KCNIP4: variants seen among roughly 807,000 people sequenced by gnomAD.
The protein encoded by KCNIP4 is Kv channel-interacting protein 4.
In KCNIP4, 12 loss-of-function variants were observed where a neutral mutation model predicts 34.0. The ratio of observed to expected loss-of-function variants is 0.35; its 90% CI spans 0.23 to 0.57. KCNIP4 has a LOEUF of 0.57. Ranked by LOEUF, KCNIP4 falls within the 20% of genes least tolerant of loss-of-function variation. KCNIP4 has a pLI of 0.83. For missense variants in KCNIP4, 238 were observed against 311.7 expected (o/e 0.76, Z 1.78); for synonymous variants, 124 against 102.2 (o/e 1.21, Z -1.29).
chr4:21,339,222 T>G (rs1716486323), intron 1 of KCNIP4, among the ~76,000 whole-genome samples: 1 of 152,222 alleles, frequency 6.6e-6, no homozygotes, highest in Non-Finnish European at 1.5e-5. Context: ...GTTATCCAAT[T>G]GCAGAAATGC....
At chr4:21,338,522 G>A (rs1716413976) in intron 1 of KCNIP4, among the ~76,000 whole-genome samples, 1 of 151,516 alleles carries the variant, frequency 6.6e-6, no homozygotes, top group African/African-American at 2.4e-5. Flanking sequence ...CAGGAGAATG[G>A]CTTGAACTTG....
chr4:21,930,156 A>C (rs1216802604), intron 1 of KCNIP4, among the ~76,000 whole-genome samples: 2 of 152,250 alleles, frequency 1.3e-5, no homozygotes, highest in East Asian at 1.9e-4. Flanking sequence ...CTCAATATGT[A>C]CTAAAGCAGC....
intron 1 of KCNIP4, among the ~76,000 whole-genome samples, chr4:21,528,308 A>G (rs1736151677): frequency 1.3e-5 from 2 of 152,090 alleles, no homozygotes; most frequent in Non-Finnish European, 2.9e-5. Context: ...GAATGATTGT[A>G]CAATGCTTGA....
chr4:21,492,492 G>C (rs943801631), intron 1 of KCNIP4, among the ~76,000 whole-genome samples: 4 of 152,116 alleles, frequency 2.6e-5, no homozygotes, highest in African/African-American at 9.7e-5. Context: ...CCAAAGTGCT[G>C]GGATTACAGG....
intron 1 of KCNIP4, among the ~76,000 whole-genome samples, chr4:21,477,619 T>A (rs1033555905): frequency 3.9e-5 from 6 of 152,252 alleles, no homozygotes; most frequent in Non-Finnish European, 7.4e-5. Flanking sequence ...CTCTCCAAAC[T>A]TTTTCATTTA....
At chr4:20,868,106 G>T (rs1208615225) in intron 2 of KCNIP4, among the ~76,000 whole-genome samples, 2 of 151,656 alleles carry the variant, frequency 1.3e-5, no homozygotes, top group African/African-American at 2.4e-5. Flanking sequence ...TCCAACAAAG[G>T]CCTAATACCA....
intron 1 of KCNIP4, among the ~76,000 whole-genome samples, chr4:21,885,868 C>T (rs1726734424): frequency 1.3e-5 from 2 of 152,040 alleles, no homozygotes; most frequent in African/African-American, 2.4e-5. Context: ...CTGATTGCCA[C>T]GAAGATGAGA....
At chr4:21,450,875 T>C (rs184629914) in intron 1 of KCNIP4, among the ~76,000 whole-genome samples, 9 of 152,290 alleles carry the variant, frequency 5.9e-5, no homozygotes, top group African/African-American at 1.2e-4. Context: ...AGACATTTTA[T>C]TGAGATTCTA....
chr4:21,326,289 CATATAT>C (rs61553563), intron 1 of KCNIP4, among the ~76,000 whole-genome samples: 3 of 148,578 alleles, frequency 2.0e-5, no homozygotes, highest in East Asian at 2.0e-4. Flanking sequence ...GTTGGATATA[CATATAT>C]ATATATATAT....
intron 1 of KCNIP4, among the ~76,000 whole-genome samples, chr4:21,686,825 A>T (rs1468241426): frequency 6.6e-6 from 1 of 152,104 alleles, no homozygotes; most frequent in Non-Finnish European, 1.5e-5. Flanking sequence ...CTGGGTATAT[A>T]CCCAAATGAC....
intron 1 of KCNIP4, among the ~76,000 whole-genome samples, chr4:21,211,753 C>T (rs1447804500): frequency 6.6e-6 from 1 of 152,060 alleles, no homozygotes; most frequent in Non-Finnish European, 1.5e-5. Context: ...AAATAACCCT[C>T]TGAGTTAGGG....
chr4:21,061,965 C>A lies in KCNIP4; in HGVS notation c.62-179256G>T, dbSNP rs532710980. ...GGCCATCTACAAGCCAAAGAGAGAG[C>A]CCTCAGAAGAAATCTATCTTGTTCA... On this transcript the variant is annotated intron_variant, in intron 1 of 8. Transcript: ENST00000382152. Among the ~76,000 whole-genome samples the A allele has an allele frequency of 1.1e-3, 162 of 152,192 alleles. 1 individual carries two copies. Among genetic ancestry groups the A allele is most frequent in the African/African-American group, 3.6e-3 (151 of 41,548 alleles).
At chr4:21,414,582 G>T (rs1426845727) in intron 1 of KCNIP4, among the ~76,000 whole-genome samples, 1 of 152,056 alleles carries the variant, frequency 6.6e-6, no homozygotes, top group African/African-American at 2.4e-5. Flanking sequence ...TCACTTCTGG[G>T]TATTTATCCA....
At chr4:21,395,422 C>A (rs562825231) in intron 1 of KCNIP4, among the ~76,000 whole-genome samples, 1 of 152,122 alleles carries the variant, frequency 6.6e-6, no homozygotes, top group Admixed American at 6.6e-5. Flanking sequence ...CCTATAGAAG[C>A]CTTTTCTCCC....
intron 1 of KCNIP4, among the ~76,000 whole-genome samples, chr4:21,318,950 T>C (rs550143111): frequency 1.5e-4 from 23 of 152,106 alleles, no homozygotes; most frequent in African/African-American, 4.6e-4. Context: ...GTTAAAAAGG[T>C]TGAACTCCAG....
At chr4:21,384,037 C>T (rs1001973215) in intron 1 of KCNIP4, among the ~76,000 whole-genome samples, 17 of 152,192 alleles carry the variant, frequency 1.1e-4, no homozygotes, top group South Asian at 1.0e-3. Flanking sequence ...AAGAGCACGC[C>T]GAGCTCAGTC....
intron 1 of KCNIP4, among the ~76,000 whole-genome samples, chr4:21,537,198 A>G (rs1737247654): frequency 6.6e-6 from 1 of 152,184 alleles, no homozygotes; most frequent in Non-Finnish European, 1.5e-5. Context: ...GATTTCTCAG[A>G]CTCTACAGGA....
At chr4:21,720,063 G>GA (rs1253795797) in intron 1 of KCNIP4, among the ~76,000 whole-genome samples, 1 of 132,728 alleles carries the variant, frequency 7.5e-6, no homozygotes, top group Non-Finnish European at 1.6e-5. Flanking sequence ...AAAAGAAGAA[G>GA]AAGAAAAAAA....
At chr4:21,901,642 C>G (rs1044780935) in intron 1 of KCNIP4, among the ~76,000 whole-genome samples, 1 of 152,142 alleles carries the variant, frequency 6.6e-6, no homozygotes, top group Non-Finnish European at 1.5e-5. Context: ...GAACAAATTA[C>G]TTTTATTTTT....
Sources: gnomAD v4.1 joint callset for allele counts (sites outside exome capture counted in the v4.1 genomes callset) on GRCh38, gnomAD v4.1.1 for gene constraint, MANE v1.5 for transcripts, NCBI Gene and HGNC (gene_info 2026-07-23, HGNC 2026-07-21) for gene names.